Variants in SV2C observed in about 807,000 individuals in gnomAD.
The protein encoded by SV2C is solute carrier family 22 member B3.
SV2C carries 49 observed loss-of-function variants against 79.7 expected under a neutral mutation model. The observed-to-expected ratio is 0.61, with a 90% CI of 0.49 to 0.78. The LOEUF (loss-of-function observed/expected upper bound fraction) is 0.78, where lower values mean the gene tolerates loss of function less well. SV2C is among the 30% of genes least tolerant of loss of function. The pLI is 0.00. For missense variants in SV2C, 833 were observed against 912.9 expected (o/e 0.91, Z 1.13); for synonymous variants, 334 against 333.2 (o/e 1.00, Z -0.03).
downstream of SV2C, among the ~76,000 whole-genome samples, chr5:76,337,030 T>C (rs572851871): frequency 6.6e-6 from 1 of 152,274 alleles, no homozygotes; most frequent in South Asian, 2.1e-4. Flanking sequence ...TCTTGAGGTA[T>C]ACCTTTTCCT....
chr5:76,025,833 G>C, the SV2C span, among the ~76,000 whole-genome samples: 4 of 152,162 alleles, frequency 2.6e-5, no homozygotes, highest in Non-Finnish European at 5.9e-5. Context: ...ATTAATGTTT[G>C]TTCATGCCTG....
intron 12 of SV2C, among the ~76,000 whole-genome samples, chr5:76,318,101 G>A (rs1272854137): frequency 6.6e-6 from 1 of 152,124 alleles, no homozygotes; most frequent in East Asian, 1.9e-4. Context: ...GGAGCCAGTA[G>A]TTTTCTTTTC....
intron 1 of SV2C, among the ~76,000 whole-genome samples, chr5:76,105,883 A>G (rs770450110): frequency 6.6e-6 from 1 of 151,874 alleles, no homozygotes; most frequent in Non-Finnish European, 1.5e-5. Flanking sequence ...TCCGGGGAGC[A>G]ATCTTCTCTT....
chr5:76,316,680 G>A (rs1057334682), intron 12 of SV2C, among the ~76,000 whole-genome samples: 3 of 152,110 alleles, frequency 2.0e-5, no homozygotes, highest in Non-Finnish European at 4.4e-5. Context: ...TGGGTACCAT[G>A]AGGGAAGTTA....
intron 2 of SV2C, among the ~76,000 whole-genome samples, chr5:76,158,665 A>G (rs1044120545): frequency 6.6e-6 from 1 of 152,032 alleles, no homozygotes; most frequent in Non-Finnish European, 1.5e-5. Context: ...ATAAGAAAAT[A>G]GAAGGCATGA....
the SV2C span, among the ~76,000 whole-genome samples, chr5:75,932,651 T>A: frequency 2.6e-5 from 4 of 152,250 alleles, no homozygotes; most frequent in Admixed American, 2.6e-4. Flanking sequence ...AGCATGTTGT[T>A]AAGGCACAGG....
chr5:76,266,863 T>A (rs980272277), intron 4 of SV2C, among the ~76,000 whole-genome samples: 30 of 152,004 alleles, frequency 2.0e-4, no homozygotes, highest in African/African-American at 7.3e-4. Flanking sequence ...AATAAGCAGT[T>A]AAGTAACTTG....
At chr5:75,888,214 T>A in the SV2C span, among the ~76,000 whole-genome samples, 521 of 152,156 alleles carry the variant, frequency 3.4e-3, 1 homozygote, top group African/African-American at 0.012. Context: ...AAAGATGGTG[T>A]AGTCCGCTGC....
downstream of SV2C, among the ~76,000 whole-genome samples, chr5:76,336,153 C>T (rs1221215294): frequency 6.7e-6 from 1 of 148,694 alleles, no homozygotes; most frequent in East Asian, 2.0e-4. Context: ...CGGGGGCTGA[C>T]CCCCACCTCC....
the SV2C span, among the ~76,000 whole-genome samples, chr5:75,861,176 T>C: frequency 2.0e-5 from 3 of 152,080 alleles, 1 homozygote; most frequent in Admixed American, 2.0e-4. Flanking sequence ...AACATGAACA[T>C]GAACAGGGAC....
the SV2C span, among the ~76,000 whole-genome samples, chr5:75,971,882 A>T: frequency 6.6e-6 from 1 of 152,128 alleles, no homozygotes; most frequent in Admixed American, 6.5e-5. Flanking sequence ...ATCCTAAGCC[A>T]AAAGAACAAA....
At chr5:75,850,045 T>G in the SV2C span, among the ~76,000 whole-genome samples, 1 of 152,200 alleles carries the variant, frequency 6.6e-6, no homozygotes, top group South Asian at 2.1e-4. Flanking sequence ...TTTAATATCT[T>G]TGATATGGTA....
the SV2C span, among the ~76,000 whole-genome samples, chr5:75,990,424 G>A: frequency 6.6e-6 from 1 of 151,846 alleles, no homozygotes; most frequent in African/African-American, 2.4e-5. Context: ...CATTTCTCCT[G>A]CATCATGTGC....
At chr5:76,111,172 T>C (rs1335057061) in intron 1 of SV2C, among the ~76,000 whole-genome samples, 1 of 152,182 alleles carries the variant, frequency 6.6e-6, no homozygotes, top group Non-Finnish European at 1.5e-5. Context: ...GGAACCTTTT[T>C]TGGGGGAGGA....
At chr5:75,984,457 A>G in the SV2C span, among the ~76,000 whole-genome samples, 2 of 152,094 alleles carry the variant, frequency 1.3e-5, no homozygotes, top group South Asian at 4.1e-4. Context: ...TTTTATAGAT[A>G]AAGAAGTTAA....
intron 4 of SV2C, among the ~76,000 whole-genome samples, chr5:76,265,773 C>T (rs1270551264): frequency 6.6e-6 from 1 of 152,068 alleles, no homozygotes; most frequent in Non-Finnish European, 1.5e-5. Flanking sequence ...GACACCCCAC[C>T]CTGCTTCTGC....
At chr5:75,904,831 G>T in the SV2C span, among the ~76,000 whole-genome samples, 1 of 152,146 alleles carries the variant, frequency 6.6e-6, no homozygotes, top group Non-Finnish European at 1.5e-5. Context: ...ATGAATAACT[G>T]CTACCTAAGG....
chr5:76,034,442 A>T, the SV2C span, among the ~76,000 whole-genome samples: 5 of 152,234 alleles, frequency 3.3e-5, no homozygotes, highest in African/African-American at 7.2e-5. Context: ...TAATTTATTG[A>T]GAATTTTTAG....
At chr5:76,141,692 T>C (rs1404779407) in intron 2 of SV2C, among the ~76,000 whole-genome samples, 2 of 151,316 alleles carry the variant, frequency 1.3e-5, no homozygotes, top group Non-Finnish European at 2.9e-5. Flanking sequence ...GGCGTGGTGG[T>C]ATGTGCCTGT....
Sources: gnomAD v4.1 joint callset for allele counts (sites outside exome capture counted in the v4.1 genomes callset) on GRCh38, gnomAD v4.1.1 for gene constraint, MANE v1.5 for transcripts, NCBI Gene and HGNC (gene_info 2026-07-23, HGNC 2026-07-21) for gene names.